VAPA: variants seen among roughly 807,000 people sequenced by gnomAD.
The protein encoded by VAPA is vesicle-associated membrane protein-associated protein A.
VAPA carries 6 observed loss-of-function variants against 25.6 expected under a neutral mutation model. The ratio of observed to expected loss-of-function variants is 0.23; its 90% CI spans 0.13 to 0.46. VAPA has a LOEUF of 0.46. Ranked by LOEUF, VAPA falls within the 20% of genes least tolerant of loss-of-function variation. The pLI is 0.99. For synonymous variants in VAPA, 112 were observed against 106.2 expected (o/e 1.05, Z -0.34); for missense variants, 244 against 302.1 (o/e 0.81, Z 1.43).
intron 1 of VAPA, among the ~76,000 whole-genome samples, chr18:9,925,875 G>A (rs948493739): frequency 6.6e-6 from 1 of 151,956 alleles, no homozygotes. Flanking sequence ...CTTTATTGTG[G>A]CAGAAGTCTA....
At chr18:9,925,592 G>T (rs185077220) in intron 1 of VAPA, among the ~76,000 whole-genome samples, 1 of 151,898 alleles carries the variant, frequency 6.6e-6, no homozygotes, top group African/African-American at 2.4e-5. Flanking sequence ...AGCAGCTAAC[G>T]AAACAAAGAC....
chr18:9,936,197 C>G lies in VAPA; in HGVS notation c.320C>G (p.Ser107Ter). The part of the protein sequence containing the change: ...VQTIFAPPNT[S>*]DMEAVWKEAK... ...ACAATTTTTGCTCCACCAAACACTTCAGATATGGAAGCTGTGGTAAGTATA... is the reference window on the plus strand; with the variant it reads ...ACAATTTTTGCTCCACCAAACACTTGAGATATGGAAGCTGTGGTAAGTATA... Residue 107 changes from serine (S) to a stop codon, truncating the protein, a stop_gained, in exon 3 of 6, where the codon TCA becomes TGA. Transcript: ENST00000400000. LOFTEE classifies it high-confidence loss of function. The G allele has an allele frequency of 6.3e-7, 1 of 1,600,000 alleles. No individual in the cohort carries two copies. The highest frequency in any genetic ancestry group is 8.5e-7 in the Non-Finnish European group (1 of 1,172,710).
intron 3 of VAPA, 83 bp downstream of exon 3, chr18:9,936,296 T>C: frequency 1.2e-6 from 1 of 860,404 alleles, no homozygotes; most frequent in African/African-American, 1.7e-5. Flanking sequence ...AAACTTAATT[T>C]CTAAAAACTA....
At chr18:9,916,661 AT>A (rs1479198964) in intron 1 of VAPA, among the ~76,000 whole-genome samples, 1 of 152,216 alleles carries the variant, frequency 6.6e-6, no homozygotes, top group African/African-American at 2.4e-5. Flanking sequence ...ACCTTTGTGT[AT>A]TTAAATGCAC....
intron 1 of VAPA, among the ~76,000 whole-genome samples, chr18:9,917,904 C>G (rs954556460): frequency 3.9e-5 from 6 of 152,262 alleles, no homozygotes; most frequent in Admixed American, 3.9e-4. Flanking sequence ...CTATACAAAA[C>G]GCCTGGGGCT....
chr18:9,938,218 C>T (rs1395197583), intron 4 of VAPA, among the ~76,000 whole-genome samples: 1 of 152,184 alleles, frequency 6.6e-6, no homozygotes, highest in African/African-American at 2.4e-5. Flanking sequence ...GATATTTTCT[C>T]ACTGAGAGTT....
Position 9,955,826 on chromosome 18 carries a change from A to G in VAPA, c.*1615A>G, listed in dbSNP as rs780560868. The G allele has an allele frequency of 5.3e-5, 8 of 152,160 alleles. No individual in the cohort carries two copies. The highest frequency in any genetic ancestry group is 9.7e-5 in the African/African-American group (4 of 41,442). The allele number at this position is 152,160 out of a possible 1,614,324, so 9.4% of individuals were successfully genotyped here. A position where few individuals can be genotyped will look rare whatever the true frequency, so the allele number is the denominator to read the frequency against. On this transcript the variant is annotated 3_prime_UTR_variant, in exon 6 of 6. Coordinates refer to ENST00000400000, the MANE Select transcript of VAPA (RefSeq NM_194434.3). ...CTAAAAGGAAACACAAGTAATGCCT[A>G]TCCATTACTAGCATGCTATGCTGCA... is the stretch of plus-strand genomic sequence containing the variant.
Position 9,955,169 on chromosome 18 carries a change from C to A in VAPA, c.*958C>A, listed in dbSNP as rs771522542. 8.5e-5 allele frequency: 13 copies of A among 152,174 alleles called. No homozygotes were observed. The highest frequency in any genetic ancestry group is 1.5e-4 in the Non-Finnish European group (10 of 68,020). The allele number at this position is 152,174 out of a possible 1,614,324, so 9.4% of individuals were successfully genotyped here. On this transcript the variant is annotated 3_prime_UTR_variant, in exon 6 of 6. Transcript: ENST00000400000. ...ATGTTCTCAAGGAAGATTTAACTCT[C>A]TTTGGTTTTAAATTACTTTTTAACC...
At chr18:9,914,480 C>T in intron 1 of VAPA, 145 bp downstream of exon 1, 2 of 633,916 alleles carry the variant, frequency 3.2e-6, no homozygotes, top group South Asian at 3.4e-5. Flanking sequence ...TTCCCGGCTG[C>T]TTTCTTGCCG....
intron 1 of VAPA, among the ~76,000 whole-genome samples, chr18:9,929,898 C>G (rs2069236238): frequency 6.6e-6 from 1 of 152,080 alleles, no homozygotes; most frequent in African/African-American, 2.4e-5. Flanking sequence ...AGGTGTATTT[C>G]TTTTGATATA....
Position 9,954,723 on chromosome 18 carries a change from T to C in VAPA, c.*512T>C, listed in dbSNP as rs1364786439. On this transcript the variant is annotated 3_prime_UTR_variant, in exon 6 of 6. Coordinates refer to ENST00000400000, the MANE Select transcript of VAPA (RefSeq NM_194434.3). ...TAATATCATGGCAGAATTTTTCTTATCCCTTGTGAGGCAGTTGTTGACTGA... is the reference window on the plus strand; with the variant it reads ...TAATATCATGGCAGAATTTTTCTTACCCCTTGTGAGGCAGTTGTTGACTGA... The C allele has an allele frequency of 6.5e-6, 1 of 152,856 alleles. No individual in the cohort carries two copies. Among genetic ancestry groups the C allele is most frequent in the Non-Finnish European group, 1.5e-5 (1 of 68,224 alleles). 9.5% of individuals were successfully genotyped at this position (152,856 alleles called of 1,614,324 possible). A position where few individuals can be genotyped will look rare whatever the true frequency, so the allele number is the denominator to read the frequency against.
chr18:9,935,889 G>T (rs941959789), intron 2 of VAPA, among the ~76,000 whole-genome samples: 1 of 152,106 alleles, frequency 6.6e-6, no homozygotes, highest in African/African-American at 2.4e-5. Context: ...AAATACTTGG[G>T]ATCCATTAAG....
intron 2 of VAPA, among the ~76,000 whole-genome samples, chr18:9,932,571 G>C (rs901388754): frequency 9.9e-5 from 15 of 152,162 alleles, no homozygotes; most frequent in African/African-American, 3.4e-4. Context: ...CCTATAAACT[G>C]TTTCTTTCTT....
In VAPA at chr18:9,923,089, C is replaced by T. The variant is rs577054979; in HGVS notation, c.80-8721C>T. Among the ~76,000 whole-genome samples the T allele has an allele frequency of 3.6e-4, 55 of 152,212 alleles. 1 individual carries two copies. The highest frequency in any genetic ancestry group is 1.0e-3 in the African/African-American group (43 of 41,530). On this transcript the variant is annotated intron_variant, in intron 1 of 5. Transcript: ENST00000400000. ...CTTCAATGCTTATAAAAGAAACCTC[C>T]GTATCATTTTTGCTGACTTATGCAT...
At position 9,956,150 on chromosome 18, in the gene VAPA, G is replaced by A. The variant is rs572690739; in HGVS notation, c.*1939G>A. 20 of 152,256 alleles carry A rather than the reference G, an allele frequency of 1.3e-4. No homozygotes were observed. In the South Asian group the frequency reaches 4.1e-3, roughly 32 times the overall value. 9.4% of individuals were successfully genotyped at this position (152,256 alleles called of 1,614,324 possible). ...TGTTCAGCCCCTTTGTTCTATGGTT[G>A]AGAAATCTGAGGCCTTACGAAGGTT... On this transcript the variant is annotated 3_prime_UTR_variant, in exon 6 of 6. Transcript: ENST00000400000.
chr18:9,946,129 T>A (rs1235098120), intron 4 of VAPA, among the ~76,000 whole-genome samples: 1 of 152,222 alleles, frequency 6.6e-6, no homozygotes, highest in East Asian at 1.9e-4. Flanking sequence ...ACTTGGGATA[T>A]TAGAACTGAA....
intron 5 of VAPA, among the ~76,000 whole-genome samples, chr18:9,953,035 G>A (rs2069506527): frequency 6.6e-6 from 1 of 152,110 alleles, no homozygotes; most frequent in African/African-American, 2.4e-5. Context: ...AAACTGTCCT[G>A]CCATTTATCA....
intron 1 of VAPA, 110 bp downstream of exon 1, chr18:9,914,445 TC>T: frequency 2.2e-6 from 2 of 925,358 alleles, no homozygotes; most frequent in Non-Finnish European, 3.0e-6. Context: ...GAGCGCCCCC[TC>T]CCCCACGCCC....
intron 1 of VAPA, among the ~76,000 whole-genome samples, chr18:9,921,559 T>C (rs1329567015): frequency 6.6e-6 from 1 of 152,234 alleles, no homozygotes; most frequent in Non-Finnish European, 1.5e-5. Flanking sequence ...TACATATAGA[T>C]AGTAAAATGG....
Sources: allele counts gnomAD v4.1 joint callset (sites outside exome capture counted in the v4.1 genomes callset), GRCh38; gene constraint gnomAD v4.1.1; transcripts MANE v1.5; gene names NCBI Gene and HGNC (gene_info 2026-07-23, HGNC 2026-07-21).